Variants in CSMD1 observed in about 807,000 individuals in gnomAD.
The protein encoded by CSMD1 is CUB and sushi domain-containing protein 1.
In CSMD1, 213 loss-of-function variants were observed where a neutral mutation model predicts 417.5. The ratio of observed to expected loss-of-function variants is 0.51; its 90% CI spans 0.46 to 0.57. CSMD1 has a LOEUF of 0.57. Among genes scored for constraint, CSMD1 ranks in the 20% least tolerant of loss-of-function variants. CSMD1 has a pLI of 0.00. For synonymous variants in CSMD1, 2,862 were observed against 1,736.8 expected (o/e 1.65, Z -16.11); for missense variants, 6,923 against 4,529.7 (o/e 1.53, Z -15.17).
intron 34 of CSMD1, 54 bp downstream of exon 34, chr8:3,189,858 T>G (rs894338): frequency 0.42 from 609,026 of 1,457,126 alleles, 130,485 homozygotes; most frequent in South Asian, 0.58. Context: ...GAGAAGTAAC[T>G]CTTTGGCACC....
At chr8:4,415,386 C>A (rs1796878152) in intron 3 of CSMD1, among the ~76,000 whole-genome samples, 1 of 152,084 alleles carries the variant, frequency 6.6e-6, no homozygotes, top group Non-Finnish European at 1.5e-5. Flanking sequence ...TTCCTTGAGA[C>A]CTTCTATTCC....
At chr8:3,646,164 T>A (rs1262913134) in intron 7 of CSMD1, among the ~76,000 whole-genome samples, 1 of 151,834 alleles carries the variant, frequency 6.6e-6, no homozygotes, top group Non-Finnish European at 1.5e-5. Flanking sequence ...ATATATAAAA[T>A]GAAAAAGGTG....
At position 3,284,328 on chromosome 8, in the gene CSMD1, G is replaced by A. The variant is rs868718210; in HGVS notation, c.3969C>T (p.Phe1323=). ...GGATGTCGTGAGCCATCTCCGTGTC[G>A]AAAACAATGAAATGGAGGCTGCAAG... ...GKTISLHFIV[F]DTEMAHDILK... Residue 1323 remains phenylalanine, a synonymous_variant, in exon 26 of 70, where the codon TTC becomes TTT. Coordinates refer to ENST00000635120, the MANE Select transcript of CSMD1 (RefSeq NM_033225.6). 9 of 1,613,374 alleles carry A rather than the reference G, an allele frequency of 5.6e-6. No homozygotes were observed. The Admixed American group carries it at 1.0e-4, about 18-fold the overall frequency.
At chr8:4,701,185 G>A (rs745323452) in intron 1 of CSMD1, among the ~76,000 whole-genome samples, 12 of 152,114 alleles carry the variant, frequency 7.9e-5, no homozygotes, top group African/African-American at 9.6e-5. Flanking sequence ...GAGTCCGTCC[G>A]CTGTGTGCCC....
intron 1 of CSMD1, among the ~76,000 whole-genome samples, chr8:4,773,771 C>G (rs1283442127): frequency 6.6e-6 from 1 of 152,016 alleles, no homozygotes; most frequent in Non-Finnish European, 1.5e-5. Flanking sequence ...ATTAAGGAAG[C>G]AATTAATATT....
At chr8:3,414,076 T>G (rs762543956) in intron 12 of CSMD1, among the ~76,000 whole-genome samples, 3 of 150,248 alleles carry the variant, frequency 2.0e-5, no homozygotes, top group Non-Finnish European at 4.4e-5. Flanking sequence ...GAGGTGGACG[T>G]TGCAGTGAGC....
intron 3 of CSMD1, among the ~76,000 whole-genome samples, chr8:4,376,414 A>AT (rs1421905793): frequency 1.3e-5 from 2 of 152,010 alleles, no homozygotes; most frequent in South Asian, 2.1e-4. Context: ...TCTTGTGCAT[A>AT]TTTTTTTCTT....
intron 50 of CSMD1, among the ~76,000 whole-genome samples, chr8:3,030,476 T>C (rs1385470876): frequency 1.3e-5 from 2 of 151,986 alleles, no homozygotes; most frequent in East Asian, 1.9e-4. Context: ...AAATTCTTTT[T>C]TTGTGTGTGT....
chr8:4,150,573 A>G (rs895621779), intron 3 of CSMD1, among the ~76,000 whole-genome samples: 2 of 152,216 alleles, frequency 1.3e-5, no homozygotes, highest in African/African-American at 4.8e-5. Flanking sequence ...AAGGATTCAT[A>G]ACTCAGGTAC....
At chr8:4,114,195 T>G (rs1007539808) in intron 3 of CSMD1, among the ~76,000 whole-genome samples, 1 of 152,212 alleles carries the variant, frequency 6.6e-6, no homozygotes, top group Non-Finnish European at 1.5e-5. Context: ...TAGGAGCTCA[T>G]GCAGCTGGTA....
chr8:4,330,025 G>C (rs1366338980), intron 3 of CSMD1, among the ~76,000 whole-genome samples: 1 of 152,112 alleles, frequency 6.6e-6, no homozygotes. Flanking sequence ...ATGCAGAACT[G>C]TGAGCCAATT....
intron 3 of CSMD1, among the ~76,000 whole-genome samples, chr8:4,308,246 T>A (rs1229170576): frequency 6.6e-6 from 1 of 152,010 alleles, no homozygotes; most frequent in Non-Finnish European, 1.5e-5. Flanking sequence ...ATGTATAGTT[T>A]TTTTTATGTG....
chr8:3,599,015 G>T (rs539758555), intron 8 of CSMD1, among the ~76,000 whole-genome samples: 9 of 152,090 alleles, frequency 5.9e-5, no homozygotes, highest in Admixed American at 1.3e-4. Context: ...TGGGAGGTAG[G>T]GGTTGCAGTG....
At chr8:4,805,957 T>G (rs1453161006) in intron 1 of CSMD1, among the ~76,000 whole-genome samples, 1 of 152,156 alleles carries the variant, frequency 6.6e-6, no homozygotes, top group Non-Finnish European at 1.5e-5. Flanking sequence ...GCTAGACGAT[T>G]TTTTAATTAC....
At chr8:3,151,594 A>G in intron 39 of CSMD1, 81 bp from the exon 40 acceptor site, 1 of 845,474 alleles carries the variant, frequency 1.2e-6, no homozygotes, top group South Asian at 1.5e-5. Context: ...TCACTCAACT[A>G]TGCTGAGAAA....
At chr8:3,012,624 C>T (rs978405777) in intron 52 of CSMD1, among the ~76,000 whole-genome samples, 1 of 152,152 alleles carries the variant, frequency 6.6e-6, no homozygotes, top group Non-Finnish European at 1.5e-5. Context: ...CATATTGGAC[C>T]TAAGGTATAC....
intron 12 of CSMD1, among the ~76,000 whole-genome samples, chr8:3,459,029 A>G (rs1816328334): frequency 6.6e-6 from 1 of 152,248 alleles, no homozygotes; most frequent in Admixed American, 6.5e-5. Flanking sequence ...CAAGGGTAGG[A>G]AGGACCCGCC....
At chr8:3,020,265 T>G (rs999682301) in intron 51 of CSMD1, among the ~76,000 whole-genome samples, 5 of 152,234 alleles carry the variant, frequency 3.3e-5, no homozygotes, top group African/African-American at 1.2e-4. Flanking sequence ...AATGAAAGTA[T>G]AAATCAGGAC....
intron 1 of CSMD1, among the ~76,000 whole-genome samples, chr8:4,867,875 C>T (rs1267965500): frequency 6.6e-6 from 1 of 152,094 alleles, no homozygotes; most frequent in African/African-American, 2.4e-5. Context: ...CAGTATTACA[C>T]ATTAAATATG....
Sources: gnomAD v4.1 joint callset for allele counts (sites outside exome capture counted in the v4.1 genomes callset) on GRCh38, gnomAD v4.1.1 for gene constraint, MANE v1.5 for transcripts, NCBI Gene and HGNC (gene_info 2026-07-23, HGNC 2026-07-21) for gene names.